Variants in ARHGAP42 observed in about 807,000 individuals in gnomAD.
ARHGAP42 encodes rho GTPase-activating protein 42.
Under a neutral mutation model 125.0 loss-of-function variants are expected in ARHGAP42, and 63 were observed. That is an observed-to-expected ratio of 0.50 (90% CI 0.41 to 0.62). The LOEUF (loss-of-function observed/expected upper bound fraction) is 0.62, where lower values mean the gene tolerates loss of function less well. Among genes scored for constraint, ARHGAP42 ranks in the 20% least tolerant of loss-of-function variants. ARHGAP42 has a pLI of 0.00. For synonymous variants in ARHGAP42, 339 were observed against 351.0 expected, an observed-to-expected ratio of 0.97 and a Z score of 0.38; for missense variants, 766 against 1,024.2, an observed-to-expected ratio of 0.75 and a Z score of 3.44.
intron 4 of ARHGAP42, among the ~76,000 whole-genome samples, chr11:100,898,459 T>A (rs896761813): frequency 1.2e-4 from 19 of 152,198 alleles, no homozygotes; most frequent in Admixed American, 1.1e-3. Context: ...CGGCTATGAA[T>A]CTATCTGGTC....
intron 1 of ARHGAP42, among the ~76,000 whole-genome samples, chr11:100,752,440 G>T (rs1862481631): frequency 6.6e-6 from 1 of 152,188 alleles, no homozygotes; most frequent in South Asian, 2.1e-4. Flanking sequence ...GGGACTCAAG[G>T]CTTGCCATCT....
At chr11:100,787,363 C>T (rs150998992) in intron 2 of ARHGAP42, among the ~76,000 whole-genome samples, 20 of 152,102 alleles carry the variant, frequency 1.3e-4, no homozygotes, top group African/African-American at 4.1e-4. Flanking sequence ...ATTTATCTTT[C>T]GCCACGATTG....
At chr11:100,863,037 C>A (rs79224836) in intron 4 of ARHGAP42, among the ~76,000 whole-genome samples, 59 of 112,418 alleles carry the variant, frequency 5.2e-4, no homozygotes, top group African/African-American at 9.7e-4. Context: ...AACTCCGTCT[C>A]AAAAAAAAAA....
At chr11:100,820,985 T>C (rs1864392310) in intron 3 of ARHGAP42, among the ~76,000 whole-genome samples, 1 of 152,052 alleles carries the variant, frequency 6.6e-6, no homozygotes, top group African/African-American at 2.4e-5. Context: ...TTTTCTTTTT[T>C]AGTGCTTCCC....
At chr11:100,809,590 A>G (rs1864087936) in intron 3 of ARHGAP42, among the ~76,000 whole-genome samples, 1 of 152,236 alleles carries the variant, frequency 6.6e-6, no homozygotes, top group African/African-American at 2.4e-5. Context: ...TAGGAGTCAC[A>G]CAAAGATGTA....
At chr11:100,830,341 T>C (rs2135092605) in intron 3 of ARHGAP42, among the ~76,000 whole-genome samples, 1 of 152,296 alleles carries the variant, frequency 6.6e-6, no homozygotes, top group South Asian at 2.1e-4. Flanking sequence ...CTACTTAAGA[T>C]TCATATTGGC....
chr11:100,707,944 A>G (rs6590810), intron 1 of ARHGAP42, among the ~76,000 whole-genome samples: 83,314 of 152,054 alleles, frequency 0.55, 23,577 homozygotes, highest in African/African-American at 0.71. Flanking sequence ...GGCATACAGC[A>G]TAGGAATCTT....
At chr11:100,824,071 A>G (rs1320879933) in intron 3 of ARHGAP42, among the ~76,000 whole-genome samples, 2 of 152,222 alleles carry the variant, frequency 1.3e-5, no homozygotes, top group African/African-American at 4.8e-5. Context: ...TAGAATTATT[A>G]GATTATAATT....
intron 1 of ARHGAP42, among the ~76,000 whole-genome samples, chr11:100,689,591 T>A (rs947069472): frequency 3.3e-5 from 5 of 152,356 alleles, no homozygotes; most frequent in African/African-American, 1.2e-4. Flanking sequence ...CCCATCATTA[T>A]AGTTTTGTTC....
chr11:100,959,704 T>A, intron 12 of ARHGAP42, 179 bp from the exon 13 acceptor site: 1 of 599,524 alleles, frequency 1.7e-6, no homozygotes, highest in Non-Finnish European at 3.0e-6. Context: ...GCTGTGAGGG[T>A]GAAGTTCCCT....
intron 12 of ARHGAP42, among the ~76,000 whole-genome samples, chr11:100,959,243 A>G (rs2135297137): frequency 6.6e-6 from 1 of 152,248 alleles, no homozygotes; most frequent in East Asian, 1.9e-4. Context: ...TCCAAAGAAA[A>G]TCTAGCCAAA....
chr11:100,807,805 C>T (rs1864034661), intron 3 of ARHGAP42, among the ~76,000 whole-genome samples: 1 of 152,190 alleles, frequency 6.6e-6, no homozygotes, highest in Non-Finnish European at 1.5e-5. Context: ...TGTAATTGCA[C>T]ATCATATTGA....
intron 2 of ARHGAP42, among the ~76,000 whole-genome samples, chr11:100,784,507 G>C (rs1224151381): frequency 6.6e-6 from 1 of 152,156 alleles, no homozygotes; most frequent in South Asian, 2.1e-4. Flanking sequence ...GCAGCATTTG[G>C]TGATTGGATA....
intron 1 of ARHGAP42, among the ~76,000 whole-genome samples, chr11:100,769,683 C>T (rs557703288): frequency 1.4e-5 from 2 of 143,864 alleles, no homozygotes; most frequent in African/African-American, 2.6e-5. Flanking sequence ...GCTTTTTTCC[C>T]GTCACCAGCA....
intron 4 of ARHGAP42, among the ~76,000 whole-genome samples, chr11:100,889,159 G>A (rs1565260767): frequency 6.6e-6 from 1 of 152,046 alleles, no homozygotes; most frequent in Non-Finnish European, 1.5e-5. Context: ...TGATTGTGCT[G>A]GACAAGATGA....
intron 7 of ARHGAP42, 75 bp downstream of exon 7, chr11:100,933,335 T>C: frequency 9.2e-7 from 1 of 1,088,514 alleles, no homozygotes; most frequent in South Asian, 1.8e-5. Flanking sequence ...AATTACAATT[T>C]TTTTCTAGCT....
chr11:100,827,080 T>C (rs1864535991), intron 3 of ARHGAP42, among the ~76,000 whole-genome samples: 1 of 141,196 alleles, frequency 7.1e-6, no homozygotes, highest in African/African-American at 2.6e-5. Flanking sequence ...CGCAGCTCAC[T>C]GCAACTTCCG....
chr11:100,830,993 A>G (rs1864651512), intron 3 of ARHGAP42, among the ~76,000 whole-genome samples: 2 of 152,310 alleles, frequency 1.3e-5, no homozygotes, highest in South Asian at 4.1e-4. Flanking sequence ...AAAGTTGAAA[A>G]AAAAGTAAGA....
Position 100,960,917 on chromosome 11 carries a change from A to G in ARHGAP42, c.1228A>G (p.Ile410Val). The G allele has an allele frequency of 5.9e-6, 9 of 1,522,046 alleles. No homozygotes were observed. The highest frequency in any genetic ancestry group is 2.1e-5 in the Admixed American group (1 of 48,212). 94.3% of individuals were successfully genotyped at this position (1,522,046 alleles called of 1,614,324 possible). A position where few individuals can be genotyped will look rare whatever the true frequency, so the allele number is the denominator to read the frequency against. ...KCIQAVETRGITILGLYRIGG... is the reference protein window; with the variant it reads ...KCIQAVETRGVTILGLYRIGG... ...CTTGTGATTTTCCTTCCTATTAGGTATCACCATTTTAGGACTCTACCGAAT... is the reference window on the plus strand; with the variant it reads ...CTTGTGATTTTCCTTCCTATTAGGTGTCACCATTTTAGGACTCTACCGAAT... The change falls in exon 14 of 24, where the codon ATC becomes GTC. Residue 410 changes from isoleucine (I) to valine (V), a missense_variant and splice_region_variant. This residue lies in a region of ARHGAP42 where 455 missense variants were observed against 636.5 expected (regional missense o/e 0.71). Coordinates refer to ENST00000298815, the MANE Select transcript of ARHGAP42 (RefSeq NM_152432.4).
Sources: allele counts gnomAD v4.1 joint callset (sites outside exome capture counted in the v4.1 genomes callset), GRCh38; gene constraint gnomAD v4.1.1; regional missense constraint gnomAD v4.1.1; transcripts MANE v1.5; gene names NCBI Gene and HGNC (gene_info 2026-07-23, HGNC 2026-07-21).